Variants in TBC1D8B observed in about 807,000 individuals in gnomAD.
TBC1D8B encodes the protein RP11-321G1.1.
In TBC1D8B, 75 loss-of-function variants were observed where a neutral mutation model predicts 82.9. The observed-to-expected ratio is 0.90, with a 90% CI of 0.75 to 1.10. TBC1D8B has a LOEUF of 1.10. Among genes scored for constraint, TBC1D8B ranks in the 50% least tolerant of loss-of-function variants. The probability of loss-of-function intolerance (pLI) is 0.00; values close to 1 mark genes in which losing one functional copy is unlikely to be tolerated. For synonymous variants in TBC1D8B, 276 were observed against 276.8 expected, an observed-to-expected ratio of 1.00 and a Z score of 0.03; for missense variants, 794 against 796.9, an observed-to-expected ratio of 1.00 and a Z score of 0.04.
At chrX:106,833,668 A>G (rs1004757054) in intron 7 of TBC1D8B, among the ~76,000 whole-genome samples, 6 of 111,683 alleles carry the variant, frequency 5.4e-5, no homozygotes, top group African/African-American at 2.0e-4. Context: ...TGACTTTATG[A>G]ATACTTAAGA....
In TBC1D8B at chrX:106,866,005, A is replaced by G; in HGVS notation, c.2634A>G (p.Ile878Met). The change falls in exon 16 of 21, where the codon ATA becomes ATG. Residue 878 changes from isoleucine to methionine, a missense_variant. Transcript: ENST00000357242. ...TAGATGAAAACTCTGATTGCCTTAT[A>G]AACTTCAAAGAATTCTCCTCTGCAA... ...RLLDENSDCL[I>M]NFKEFSSAID... is the part of the protein sequence containing the mutation. The G allele has an allele frequency of 8.3e-7, 1 of 1,207,204 alleles. No homozygotes were observed. The highest frequency in any genetic ancestry group is 1.1e-6 in the Non-Finnish European group (1 of 894,192).
chrX:106,818,121 A>G (rs192011510), intron 1 of TBC1D8B, among the ~76,000 whole-genome samples: 19 of 111,526 alleles, frequency 1.7e-4, no homozygotes, highest in Non-Finnish European at 3.0e-4. Flanking sequence ...ATTTTCTTAA[A>G]TAATAATAGT....
At chrX:106,815,325 T>A (rs1239023171) in intron 1 of TBC1D8B, 1 of 111,332 alleles carries the variant, frequency 9.0e-6, no homozygotes, top group African/African-American at 3.3e-5. Context: ...ATTGCTTGTT[T>A]TTGTCAGGTT....
chrX:106,817,535 C>T (rs1038075388), intron 1 of TBC1D8B, among the ~76,000 whole-genome samples: 2 of 111,352 alleles, frequency 1.8e-5, no homozygotes, highest in Admixed American at 9.6e-5. Context: ...AAATTATCTT[C>T]GGGCTATATG....
At chrX:106,851,051 C>G (rs1244769817) in intron 12 of TBC1D8B, among the ~76,000 whole-genome samples, 1 of 111,814 alleles carries the variant, frequency 8.9e-6, no homozygotes, top group Admixed American at 9.5e-5. Context: ...CCTACACTAT[C>G]CCATTTCCCT....
chrX:106,866,776 CA>C lies in TBC1D8B; in HGVS notation c.2663-19del, dbSNP rs3216067. 26 of 1,070,365 alleles carry C rather than the reference CA, an allele frequency of 2.4e-5. No individual in the cohort carries two copies. In the East Asian group the frequency reaches 8.3e-4, roughly 34 times the overall value. The allele number at this position is 1,070,365 out of a possible 1,213,427, so 88.2% of individuals were successfully genotyped here. A position where few individuals can be genotyped will look rare whatever the true frequency, so the allele number is the denominator to read the frequency against. On this transcript the variant is annotated intron_variant, in intron 16 of 20. Transcript: ENST00000357242. ...TGTTCTTTAGATACATGATTATTTACAATTGAATTTTATTGAACAGACATAA... is the reference window on the plus strand; with the variant it reads ...TGTTCTTTAGATACATGATTATTTACATTGAATTTTATTGAACAGACATAA...
At chrX:106,869,449 A>G in intron 18 of TBC1D8B, 36 bp from the exon 19 acceptor site, 1 of 1,158,833 alleles carries the variant, frequency 8.6e-7, no homozygotes, top group Non-Finnish European at 1.2e-6. Context: ...TATTTGTTAA[A>G]CATCTTACAG....
Position 106,840,135 on chromosome X carries a change from C to A in TBC1D8B, c.1441C>A (p.Arg481=). ...GVSMFRTKKT[R]DLVVRGIPET... Reference sequence around the variant, plus strand: ...TAGTATGTTTCGAACCAAAAAGACTCGAGATCTTGTTGTAAGAGGGATTCC... The same window carrying A: ...TAGTATGTTTCGAACCAAAAAGACTAGAGATCTTGTTGTAAGAGGGATTCC... The change falls in exon 9 of 21, where the codon CGA becomes AGA. Residue 481 remains arginine, a synonymous_variant. Transcript: ENST00000357242. 8.3e-7 allele frequency: 1 copy of A among 1,209,746 alleles called. No individual in the cohort carries two copies. Among genetic ancestry groups the A allele is most frequent in the Non-Finnish European group, 1.1e-6 (1 of 894,184 alleles).
intron 1 of TBC1D8B, among the ~76,000 whole-genome samples, chrX:106,812,308 G>T (rs1250726946): frequency 9.0e-6 from 1 of 111,727 alleles, no homozygotes; most frequent in Non-Finnish European, 1.9e-5. Context: ...TAATTAGTTT[G>T]TTTATTAACA....
chrX:106,839,971 A>G, intron 8 of TBC1D8B, 77 bp from the exon 9 acceptor site: 2 of 1,022,209 alleles, frequency 2.0e-6, no homozygotes, highest in Non-Finnish European at 2.6e-6. Context: ...GTTTCAAGGT[A>G]AAGAGAGTGG....
intron 14 of TBC1D8B, 144 bp from the exon 15 acceptor site, chrX:106,865,413 CTT>C: frequency 6.6e-6 from 2 of 300,898 alleles, no homozygotes; most frequent in Admixed American, 5.8e-5. Context: ...AATATAATAA[CTT>C]ATAATAACTT....
rs763004845 is a variant in TBC1D8B, at chrX:106,861,480, T to TTTTTG, written c.2353-4066_2353-4062dup. 8.7e-4 allele frequency among the ~76,000 whole-genome samples: 98 copies of TTTTTG among 112,085 alleles called. 2 individuals carry two copies. Among genetic ancestry groups the TTTTTG allele is most frequent in the African/African-American group, 3.0e-3 (94 of 30,958 alleles). On this transcript the variant is annotated intron_variant, in intron 14 of 20. Transcript: ENST00000357242. ...AATCCTTTACCATTATATAATTCCT[T>TTTTTG]TTTTGTTTTGTTTTGTTGTTGTTGT... is the stretch of plus-strand genomic sequence containing the variant.
intron 11 of TBC1D8B, chrX:106,849,197 T>C (rs376702430): frequency 3.3e-5 from 36 of 1,100,730 alleles, no homozygotes; most frequent in Non-Finnish European, 4.3e-5. Context: ...GATTTTACTG[T>C]CTTTCATTAT....
At chrX:106,848,497 G>A (rs1292982384) in intron 11 of TBC1D8B, among the ~76,000 whole-genome samples, 194 bp downstream of exon 11, 1 of 112,137 alleles carries the variant, frequency 8.9e-6, no homozygotes, top group Non-Finnish European at 1.9e-5. Context: ...TTTTTGTACT[G>A]AATGTATAGT....
In TBC1D8B at chrX:106,827,369, GA is replaced by G. The variant is rs199972427; in HGVS notation, c.1203+39del. The G allele has an allele frequency of 1.6e-3, 1,877 of 1,193,350 alleles. 24 individuals are homozygous for G. In the African/African-American group the frequency reaches 0.029, roughly 18 times the overall value. ...AATTATACAGCAATCAAATCATTTGGAAAAAAAGGTGTGTGTTTAGTGTAGC... is the reference window on the plus strand; with the variant it reads ...AATTATACAGCAATCAAATCATTTGGAAAAAAGGTGTGTGTTTAGTGTAGC... On this transcript the variant is annotated intron_variant, in intron 7 of 20. Transcript: ENST00000357242.
intron 1 of TBC1D8B, among the ~76,000 whole-genome samples, chrX:106,812,577 A>G (rs1299365421): frequency 9.0e-6 from 1 of 111,682 alleles, no homozygotes; most frequent in East Asian, 2.8e-4. Context: ...AACTTGTCAA[A>G]CTAAAGGACA....
At chrX:106,870,113 C>T (rs964745208) in intron 19 of TBC1D8B, among the ~76,000 whole-genome samples, 2 of 112,106 alleles carry the variant, frequency 1.8e-5, no homozygotes, top group Non-Finnish European at 3.8e-5. Flanking sequence ...TCACTGCAAC[C>T]TCTGCCTCCT....
chrX:106,865,822 T>A lies in TBC1D8B; in HGVS notation c.2451T>A (p.Cys817Ter). Residue 817 changes from cysteine to a stop codon, truncating the protein, a stop_gained, in exon 16 of 21, where the codon TGT (cysteine) becomes TGA (stop). Coordinates refer to ENST00000357242, the MANE Select transcript of TBC1D8B (RefSeq NM_017752.3). LOFTEE classifies it high-confidence loss of function. The part of the protein sequence containing the change: ...KKELFLSCYW[C>*]LGCPVLKHHD... ...AGCTGTTTTTATCTTGTTATTGGTG[T>A]TTGGGTTGCCCAGTATTGAAGCATC... is the stretch of plus-strand genomic sequence containing the variant. 1 of 1,207,773 alleles carries A rather than the reference T, an allele frequency of 8.3e-7. No homozygotes were observed. The highest frequency in any genetic ancestry group is 1.1e-6 in the Non-Finnish European group (1 of 893,533).
At chrX:106,839,910 C>G in intron 8 of TBC1D8B, 138 bp from the exon 9 acceptor site, 1 of 550,244 alleles carries the variant, frequency 1.8e-6, no homozygotes, top group South Asian at 4.0e-5. Context: ...TGTTTCACCC[C>G]TGGGTGAATA....
Sources: gnomAD v4.1 joint callset for allele counts (sites outside exome capture counted in the v4.1 genomes callset) on GRCh38, gnomAD v4.1.1 for gene constraint, MANE v1.5 for transcripts, NCBI Gene and HGNC (gene_info 2026-07-23, HGNC 2026-07-21) for gene names.